Variants in ANGPT1 observed in about 807,000 individuals in gnomAD.
The protein encoded by ANGPT1 is angiopoietin 1.
In ANGPT1, 17 loss-of-function variants were observed where a neutral mutation model predicts 62.2. The observed-to-expected ratio is 0.27, with a 90% CI of 0.19 to 0.41. ANGPT1 has a LOEUF of 0.41. Among genes scored for constraint, ANGPT1 ranks in the 10% least tolerant of loss-of-function variants. The pLI, the probability that ANGPT1 is intolerant of heterozygous loss-of-function variation, is 1.00. For missense variants in ANGPT1, 478 were observed against 594.9 expected (o/e 0.80, Z 2.04); for synonymous variants, 199 against 198.9 (o/e 1.00, Z 0.00).
chr8:107,260,892 G>GA (rs1813475466), intron 8 of ANGPT1, among the ~76,000 whole-genome samples: 1 of 152,142 alleles, frequency 6.6e-6, no homozygotes, highest in Admixed American at 6.5e-5. Context: ...ATTTAAAGCA[G>GA]AAATAAAATC....
At chr8:107,480,278 G>T (rs957725408) in intron 1 of ANGPT1, among the ~76,000 whole-genome samples, 5 of 152,128 alleles carry the variant, frequency 3.3e-5, no homozygotes, top group African/African-American at 1.2e-4. Context: ...GTACTAACTT[G>T]TAACCTATCT....
intron 3 of ANGPT1, among the ~76,000 whole-genome samples, chr8:107,324,335 G>A (rs1815234679): frequency 6.6e-6 from 1 of 151,922 alleles, no homozygotes; most frequent in Non-Finnish European, 1.5e-5. Flanking sequence ...GGAGGAGGAT[G>A]AGCTTCTAAT....
intron 1 of ANGPT1, among the ~76,000 whole-genome samples, chr8:107,480,601 T>C (rs2130519184): frequency 6.6e-6 from 1 of 152,326 alleles, no homozygotes; most frequent in Middle Eastern, 3.4e-3. Context: ...TTGAAGGGGA[T>C]CGATGACTAA....
intron 1 of ANGPT1, among the ~76,000 whole-genome samples, chr8:107,359,796 T>C (rs1270498098): frequency 6.6e-6 from 1 of 152,242 alleles, no homozygotes; most frequent in Non-Finnish European, 1.5e-5. Flanking sequence ...GAACTGTTAA[T>C]AGTGACGATC....
At chr8:107,336,534 G>A (rs866235932) in intron 2 of ANGPT1, 4 of 299,498 alleles carry the variant, frequency 1.3e-5, no homozygotes, top group African/African-American at 2.3e-5. Flanking sequence ...GCGTGGTAGC[G>A]GGCGCCTGTA....
chr8:107,297,401 A>C (rs1019665352), intron 5 of ANGPT1, among the ~76,000 whole-genome samples: 4 of 151,946 alleles, frequency 2.6e-5, no homozygotes, highest in African/African-American at 9.7e-5. Flanking sequence ...TGATGAGTTA[A>C]TGCATATAGA....
chr8:107,369,068 T>G (rs1156321693), intron 1 of ANGPT1, among the ~76,000 whole-genome samples: 1 of 152,198 alleles, frequency 6.6e-6, no homozygotes, highest in Non-Finnish European at 1.5e-5. Context: ...AGAAAGCATC[T>G]TCCTCAATAT....
chr8:107,466,173 T>C (rs1010727439), intron 1 of ANGPT1, among the ~76,000 whole-genome samples: 2 of 152,168 alleles, frequency 1.3e-5, no homozygotes, highest in Admixed American at 6.6e-5. Flanking sequence ...ATTCAATTAC[T>C]TAAATATCCA....
At position 107,282,553 on chromosome 8, in the gene ANGPT1, C is replaced by CATATATATATATAT. The variant is rs753412026; in HGVS notation, c.1205+2115_1205+2128dup. On this transcript the variant is annotated intron_variant, in intron 7 of 8. Coordinates refer to ENST00000517746, the MANE Select transcript of ANGPT1 (RefSeq NM_001146.5). ...TTATATATATATTACATATATGAAC[C>CATATATATATATAT]ATATATATATATATATATATATATA... is the stretch of plus-strand genomic sequence containing the variant. 1.0e-3 allele frequency among the ~76,000 whole-genome samples: 52 copies of CATATATATATATAT among 51,070 alleles called. 1 individual carries two copies. The highest frequency in any genetic ancestry group is 1.7e-3 in the South Asian group (2 of 1,148). The allele number at this position is 51,070 out of a possible 152,430, so 33.5% of individuals were successfully genotyped here.
At chr8:107,469,758 T>G (rs945327737) in intron 1 of ANGPT1, among the ~76,000 whole-genome samples, 2 of 152,032 alleles carry the variant, frequency 1.3e-5, no homozygotes, top group African/African-American at 4.8e-5. Context: ...CAATACATGC[T>G]TTTTTTGTAA....
intron 1 of ANGPT1, among the ~76,000 whole-genome samples, chr8:107,432,645 C>T (rs917347532): frequency 7.1e-6 from 1 of 141,494 alleles, no homozygotes; most frequent in Non-Finnish European, 1.5e-5. Context: ...GCCTGGGCAA[C>T]AGAGCGAGAC....
intron 1 of ANGPT1, among the ~76,000 whole-genome samples, chr8:107,442,455 C>T (rs189521604): frequency 6.6e-6 from 1 of 152,092 alleles, no homozygotes; most frequent in Admixed American, 6.5e-5. Context: ...TTACAAATGC[C>T]ACATCTGCCT....
At chr8:107,284,508 C>T (rs1296712045) in intron 7 of ANGPT1, 174 bp downstream of exon 7, 12 of 482,948 alleles carry the variant, frequency 2.5e-5, no homozygotes, top group Non-Finnish European at 3.9e-5. Context: ...AAATTTAAAT[C>T]TTTGAAAAAG....
rs535558871 is a variant in ANGPT1, at chr8:107,474,279, C to A, written c.297+22983G>T. Among the ~76,000 whole-genome samples the A allele has an allele frequency of 5.9e-5, 9 of 152,212 alleles. No individual in the cohort carries two copies. In the South Asian group the frequency reaches 1.5e-3, roughly 25 times the overall value. On this transcript the variant is annotated intron_variant, in intron 1 of 8. Transcript: ENST00000517746. ...ATCCTGGGATGCAAGTCTGGTTCAA[C>A]ATATGCAAATCAATAAATGTAATCC...
intron 1 of ANGPT1, among the ~76,000 whole-genome samples, chr8:107,362,939 A>T (rs1179165198): frequency 6.6e-6 from 1 of 152,188 alleles, no homozygotes; most frequent in Non-Finnish European, 1.5e-5. Context: ...AAAAATAGAG[A>T]ATCTTTGCAA....
chr8:107,331,453 T>C (rs771799770), intron 3 of ANGPT1, among the ~76,000 whole-genome samples: 9 of 152,164 alleles, frequency 5.9e-5, no homozygotes, highest in Non-Finnish European at 1.2e-4. Flanking sequence ...TTTGTTTGTT[T>C]TAAGAGAATA....
intron 3 of ANGPT1, among the ~76,000 whole-genome samples, chr8:107,331,399 G>C (rs1347676184): frequency 6.6e-6 from 1 of 152,110 alleles, no homozygotes; most frequent in Non-Finnish European, 1.5e-5. Context: ...CCTATATAGT[G>C]ACAGGCCAAA....
At chr8:107,380,651 C>A (rs552486793) in intron 1 of ANGPT1, among the ~76,000 whole-genome samples, 1 of 152,106 alleles carries the variant, frequency 6.6e-6, no homozygotes, top group East Asian at 1.9e-4. Flanking sequence ...AATAGCATGC[C>A]AATACTTTCT....
intron 3 of ANGPT1, among the ~76,000 whole-genome samples, chr8:107,333,970 AAAGG>A (rs1190600329): frequency 0.026 from 2,429 of 94,924 alleles, 72 homozygotes; most frequent in African/African-American, 0.082. Flanking sequence ...AGAAAGAAAG[AAAGG>A]AGGGAGGGAG....
Sources: gnomAD v4.1 joint callset for allele counts (sites outside exome capture counted in the v4.1 genomes callset) on GRCh38, gnomAD v4.1.1 for gene constraint, MANE v1.5 for transcripts, NCBI Gene and HGNC (gene_info 2026-07-23, HGNC 2026-07-21) for gene names.